SPECC1: variants seen among roughly 807,000 people sequenced by gnomAD.
The protein encoded by SPECC1 is cytospin-B.
A neutral mutation model predicts 104.1 loss-of-function variants in SPECC1; 62 were observed. The observed-to-expected ratio is 0.60, with a 90% CI of 0.49 to 0.74. The LOEUF is 0.74. SPECC1 is among the 30% of genes least tolerant of loss of function. The pLI, the probability that SPECC1 is intolerant of heterozygous loss-of-function variation, is 0.00. For synonymous variants in SPECC1, 513 were observed against 501.6 expected (o/e 1.02, Z -0.30); for missense variants, 1,306 against 1,310.5 (o/e 1.00, Z 0.05).
At chr17:20,190,881 C>A (rs2035623984) in intron 3 of SPECC1, among the ~76,000 whole-genome samples, 5 of 151,942 alleles carry the variant, frequency 3.3e-5, no homozygotes, top group Admixed American at 3.3e-4. Flanking sequence ...ATTCCTCCCT[C>A]CCCCCAACCC....
chr17:20,040,983 C>CT (rs753909826), intron 1 of SPECC1, among the ~76,000 whole-genome samples: 2 of 152,072 alleles, frequency 1.3e-5, no homozygotes, highest in East Asian at 3.9e-4. Context: ...GTCTTTGAGA[C>CT]TTTCTCCCTC....
chr17:20,034,429 A>G (rs1161478035), intron 1 of SPECC1, among the ~76,000 whole-genome samples: 7 of 151,364 alleles, frequency 4.6e-5, no homozygotes, highest in African/African-American at 1.7e-4. Flanking sequence ...AAAATGTCAA[A>G]CCTACAGAAA....
At chr17:20,217,093 G>A (rs145893884) in intron 4 of SPECC1, among the ~76,000 whole-genome samples, 2 of 152,278 alleles carry the variant, frequency 1.3e-5, no homozygotes, top group Non-Finnish European at 2.9e-5. Context: ...GGAAGGGTAG[G>A]CTTTGGTCTC....
chr17:20,318,259 T>C lies in SPECC1; in HGVS notation c.*4194T>C, dbSNP rs1196463599. 4.3e-6 allele frequency: 1 copy of C among 232,370 alleles called. No individual in the cohort carries two copies. Among genetic ancestry groups the C allele is most frequent in the Non-Finnish European group, 8.5e-6 (1 of 117,520 alleles). 14.4% of individuals were successfully genotyped at this position (232,370 alleles called of 1,614,324 possible). ...CGCTGTTCTCTGCATTGAACATGGA[T>C]TGAATTTTCCTTGTCTGATGGTAAC... On this transcript the variant is annotated 3_prime_UTR_variant, in exon 15 of 15. Transcript: ENST00000395527.
intron 1 of SPECC1, among the ~76,000 whole-genome samples, chr17:20,065,205 T>C (rs989064549): frequency 4.6e-5 from 7 of 152,304 alleles, no homozygotes; most frequent in African/African-American, 1.4e-4. Context: ...TGGGGGTTTC[T>C]CTATAGAAGT....
At chr17:20,116,744 A>G (rs2048772966) in intron 3 of SPECC1, among the ~76,000 whole-genome samples, 1 of 146,470 alleles carries the variant, frequency 6.8e-6, no homozygotes, top group African/African-American at 2.5e-5. Flanking sequence ...GTTGTTCTCA[A>G]TGGGGGACGA....
At chr17:20,090,713 G>A (rs958537003) in intron 1 of SPECC1, among the ~76,000 whole-genome samples, 6 of 152,112 alleles carry the variant, frequency 3.9e-5, no homozygotes, top group African/African-American at 1.4e-4. Flanking sequence ...CTTATTAGTG[G>A]TCATTTAGCT....
chr17:20,096,561 T>A, intron 1 of SPECC1, 70 bp from the exon 2 acceptor site: 2 of 1,507,692 alleles, frequency 1.3e-6, no homozygotes, highest in South Asian at 2.5e-5. Flanking sequence ...ATGTGGGGTG[T>A]AAAGTGTGAT....
intron 4 of SPECC1, among the ~76,000 whole-genome samples, chr17:20,218,709 G>A (rs972338777): frequency 6.6e-6 from 1 of 151,680 alleles, no homozygotes; most frequent in South Asian, 2.1e-4. Flanking sequence ...TTTTGACACA[G>A]GTATGCAATG....
intron 3 of SPECC1, among the ~76,000 whole-genome samples, chr17:20,180,291 A>T (rs2034783481): frequency 6.6e-6 from 1 of 152,236 alleles, no homozygotes; most frequent in Non-Finnish European, 1.5e-5. Flanking sequence ...GAGCAGCCCC[A>T]CAGTAAATAC....
At chr17:20,123,961 A>AC (rs2049160817) in intron 3 of SPECC1, among the ~76,000 whole-genome samples, 1 of 152,212 alleles carries the variant, frequency 6.6e-6, no homozygotes, top group Non-Finnish European at 1.5e-5. Context: ...TGGTACCAGG[A>AC]CTTGCAGATT....
chr17:20,237,337 A>G lies in SPECC1; in HGVS notation c.2351+4932A>G, dbSNP rs1329455669. On this transcript the variant is annotated intron_variant, in intron 7 of 14. Transcript: ENST00000395527. ...TTTGTTTTTTTTTTTTTTTTGAGAC[A>G]GAGTTTCACTCTTGTTGCCCAGGCT... 32 of 988,606 alleles carry G rather than the reference A, an allele frequency of 3.2e-5. 2 individuals carry two copies. The East Asian group carries it at 1.5e-3, about 46-fold the overall frequency. 61.2% of individuals were successfully genotyped at this position (988,606 alleles called of 1,614,324 possible). A position where few individuals can be genotyped will look rare whatever the true frequency, so the allele number is the denominator to read the frequency against.
At chr17:20,089,687 C>T (rs1027064537) in intron 1 of SPECC1, among the ~76,000 whole-genome samples, 3 of 152,140 alleles carry the variant, frequency 2.0e-5, no homozygotes, top group African/African-American at 7.2e-5. Context: ...TGACTGACCC[C>T]AGCTGAATTT....
chr17:20,182,764 T>C (rs188195749), intron 3 of SPECC1, among the ~76,000 whole-genome samples: 1 of 151,736 alleles, frequency 6.6e-6, no homozygotes, highest in Non-Finnish European at 1.5e-5. Context: ...AGGAAAGGGG[T>C]GAAGAAAGAG....
chr17:20,104,768 A>AAG (rs2048116130), intron 2 of SPECC1, among the ~76,000 whole-genome samples: 1 of 144,836 alleles, frequency 6.9e-6, no homozygotes, highest in African/African-American at 2.6e-5. Context: ...AAAAAAAAAG[A>AAG]AAAAAAAATT....
In SPECC1 at chr17:20,314,525, A is replaced by G. The variant is rs534321224; in HGVS notation, c.*460A>G. On this transcript the variant is annotated 3_prime_UTR_variant, in exon 15 of 15. Transcript: ENST00000395527. ...TGTGGTAGCTCGTGGCTGTAATCCC[A>G]GCACTTTAGGAAGCCAAGGCAGTAG... is the stretch of plus-strand genomic sequence containing the variant. The G allele has an allele frequency of 6.9e-6, 2 of 290,472 alleles. No homozygotes were observed. The highest frequency in any genetic ancestry group is 4.1e-5 in the African/African-American group (2 of 48,602). The allele number at this position is 290,472 out of a possible 1,614,324, so 18.0% of individuals were successfully genotyped here.
rs576050825 is a variant in SPECC1, at chr17:20,316,155, C to G, written c.*2090C>G. 2.2e-5 allele frequency: 5 copies of G among 231,372 alleles called. No individual in the cohort carries two copies. Among genetic ancestry groups the G allele is most frequent in the Non-Finnish European group, 3.4e-5 (4 of 116,974 alleles). The allele number at this position is 231,372 out of a possible 1,614,324, so 14.3% of individuals were successfully genotyped here. On this transcript the variant is annotated 3_prime_UTR_variant, in exon 15 of 15. Transcript: ENST00000395527. ...GTTACTACTTCTGCTGATTCAGGCA[C>G]TTGTTTGAAGCATTTTTTTTTTATT...
intron 1 of SPECC1, among the ~76,000 whole-genome samples, chr17:20,081,847 C>A (rs1333029428): frequency 1.3e-5 from 2 of 152,252 alleles, no homozygotes; most frequent in South Asian, 2.1e-4. Context: ...AATCAACAAA[C>A]CTTTGCTGCC....
At chr17:20,074,927 A>T (rs966261005) in intron 1 of SPECC1, among the ~76,000 whole-genome samples, 1 of 151,940 alleles carries the variant, frequency 6.6e-6, no homozygotes, top group African/African-American at 2.4e-5. Flanking sequence ...TTTTAGACAG[A>T]GCCTTGCTGT....
Sources: gnomAD v4.1 joint callset for allele counts (sites outside exome capture counted in the v4.1 genomes callset) on GRCh38, gnomAD v4.1.1 for gene constraint, MANE v1.5 for transcripts, NCBI Gene and HGNC (gene_info 2026-07-23, HGNC 2026-07-21) for gene names.